CRACR2A: variants seen among roughly 807,000 people sequenced by gnomAD.
CRACR2A encodes calcium release activated channel regulator 2A.
A neutral mutation model predicts 90.5 loss-of-function variants in CRACR2A; 79 were observed. That is an observed-to-expected ratio of 0.87 (90% CI 0.73 to 1.05). The LOEUF (loss-of-function observed/expected upper bound fraction) is 1.05. Among genes scored for constraint, CRACR2A ranks in the 50% least tolerant of loss-of-function variants. The pLI is 0.00. For missense variants in CRACR2A, 823 were observed against 897.2 expected, an observed-to-expected ratio of 0.92 and a Z score of 1.06; for synonymous variants, 338 against 356.7, an observed-to-expected ratio of 0.95 and a Z score of 0.59.
intron 15 of CRACR2A, among the ~76,000 whole-genome samples, chr12:3,629,169 C>T (rs534049645): frequency 2.0e-5 from 3 of 152,248 alleles, no homozygotes; most frequent in South Asian, 2.1e-4. Context: ...CATACATACA[C>T]ATTCACACAC....
chr12:3,751,704 G>A (rs1364943814), intron 1 of CRACR2A, among the ~76,000 whole-genome samples: 1 of 151,936 alleles, frequency 6.6e-6, no homozygotes, highest in African/African-American at 2.4e-5. Flanking sequence ...ACTCCTTCCA[G>A]AAGTAACCTC....
intron 18 of CRACR2A, among the ~76,000 whole-genome samples, chr12:3,618,221 T>C (rs1242390827): frequency 6.6e-6 from 1 of 151,604 alleles, no homozygotes; most frequent in Non-Finnish European, 1.5e-5. Context: ...TGGGTCCAGG[T>C]ATATTTTGAA....
intron 14 of CRACR2A, among the ~76,000 whole-genome samples, chr12:3,635,927 T>C (rs1004146064): frequency 1.3e-5 from 2 of 152,242 alleles, no homozygotes; most frequent in Non-Finnish European, 2.9e-5. Context: ...ATTTGAGATA[T>C]ATAAAATTTT....
At chr12:3,628,443 AC>A (rs1409148303) in intron 15 of CRACR2A, among the ~76,000 whole-genome samples, 2 of 152,038 alleles carry the variant, frequency 1.3e-5, no homozygotes, top group African/African-American at 4.8e-5. Context: ...ATCACAGGCA[AC>A]TTTCACCCTT....
At chr12:3,631,262 G>A (rs1944371263) in intron 15 of CRACR2A, among the ~76,000 whole-genome samples, 1 of 152,134 alleles carries the variant, frequency 6.6e-6, no homozygotes, top group East Asian at 1.9e-4. Context: ...TTCCATAATT[G>A]GCCTCCTGGG....
At chr12:3,740,815 T>C (rs1946513398) in intron 1 of CRACR2A, among the ~76,000 whole-genome samples, 1 of 152,232 alleles carries the variant, frequency 6.6e-6, no homozygotes, top group Non-Finnish European at 1.5e-5. Context: ...CTCGAGCAAG[T>C]TGCTTAGCTA....
At chr12:3,736,617 G>A (rs530019205) in intron 1 of CRACR2A, among the ~76,000 whole-genome samples, 68 of 152,156 alleles carry the variant, frequency 4.5e-4, no homozygotes, top group African/African-American at 1.6e-3. Context: ...TGTGCAGAGG[G>A]AGCAGAAAAA....
chr12:3,638,203 T>C lies in CRACR2A; in HGVS notation c.1523A>G (p.Gln508Arg). Reference protein sequence around the residue: ...EEVSDQGVQGQIPEAPPLKLT... With the variant: ...EEVSDQGVQGRIPEAPPLKLT... The stretch of plus-strand genomic sequence containing the variant: ...TTTCAAGGGTGGGGCCTCCGGGATT[T>C]GTCCCTGTACCCCCTGGTCAGAGAC... Residue 508 changes from glutamine to arginine, a missense_variant, in exon 14 of 20, where the codon CAA (glutamine) becomes CGA (arginine). Coordinates refer to ENST00000440314, the MANE Select transcript of CRACR2A (RefSeq NM_001144958.2). 2 of 1,551,542 alleles carry C rather than the reference T, an allele frequency of 1.3e-6. No homozygotes were observed. The highest frequency in any genetic ancestry group is 1.7e-6 in the Non-Finnish European group (2 of 1,146,854).
chr12:3,737,614 A>T (rs957175560), intron 1 of CRACR2A, among the ~76,000 whole-genome samples: 2 of 152,184 alleles, frequency 1.3e-5, no homozygotes, highest in African/African-American at 4.8e-5. Flanking sequence ...GGGCAATGGC[A>T]GCAGAAGTAG....
intron 10 of CRACR2A, among the ~76,000 whole-genome samples, chr12:3,649,859 A>G (rs1343998950): frequency 1.5e-5 from 2 of 131,478 alleles, no homozygotes; most frequent in Non-Finnish European, 3.1e-5. Context: ...AAGGAAGGAG[A>G]AAAAGGAAGA....
intron 6 of CRACR2A, among the ~76,000 whole-genome samples, chr12:3,676,747 C>T (rs931063520): frequency 1.9e-5 from 2 of 107,914 alleles, no homozygotes; most frequent in Admixed American, 1.9e-4. Context: ...ACATCTATGG[C>T]AGGTATTACA....
chr12:3,659,710 G>A, intron 7 of CRACR2A, 56 bp from the exon 8 acceptor site: 2 of 1,400,512 alleles, frequency 1.4e-6, no homozygotes, highest in Non-Finnish European at 2.0e-6. Flanking sequence ...CACAGCGGTA[G>A]CTCCTGGAGC....
intron 2 of CRACR2A, among the ~76,000 whole-genome samples, chr12:3,725,085 A>T (rs1287695731): frequency 2.6e-5 from 4 of 151,930 alleles, no homozygotes; most frequent in African/African-American, 9.7e-5. Flanking sequence ...CCTGCCTCCC[A>T]TTTTCCCTCC....
intron 3 of CRACR2A, among the ~76,000 whole-genome samples, chr12:3,709,499 T>C (rs241993): frequency 0.55 from 82,937 of 152,030 alleles, 22,968 homozygotes; most frequent in African/African-American, 0.62. Context: ...AGTTTCTGGC[T>C]GGGCGCAGTG....
chr12:3,703,444 T>C (rs909836700), intron 3 of CRACR2A, among the ~76,000 whole-genome samples: 1 of 152,240 alleles, frequency 6.6e-6, no homozygotes, highest in Non-Finnish European at 1.5e-5. Flanking sequence ...CAATGTATCA[T>C]GGACCTAAAT....
At chr12:3,647,172 C>G (rs970307903) in intron 11 of CRACR2A, among the ~76,000 whole-genome samples, 3 of 149,682 alleles carry the variant, frequency 2.0e-5, no homozygotes, top group Non-Finnish European at 3.0e-5. Flanking sequence ...CACCCCTACC[C>G]TCCCCTGACA....
At chr12:3,656,785 A>C (rs565854252) in intron 8 of CRACR2A, among the ~76,000 whole-genome samples, 1 of 152,266 alleles carries the variant, frequency 6.6e-6, no homozygotes, top group African/African-American at 2.4e-5. Flanking sequence ...ATTGGGGGTG[A>C]CTGGGGGAGG....
intron 17 of CRACR2A, among the ~76,000 whole-genome samples, chr12:3,619,668 C>T (rs1015618652): frequency 1.3e-4 from 20 of 152,172 alleles, no homozygotes; most frequent in African/African-American, 4.1e-4. Context: ...GAACAGCAGG[C>T]CCCCCAAGGT....
rs368465693 is a variant in CRACR2A, at chr12:3,697,011, A to C, written c.-12T>G. 6.3e-6 allele frequency: 10 copies of C among 1,595,552 alleles called. No homozygotes were observed. The African/African-American group carries it at 1.2e-4, about 19-fold the overall frequency. ...TCAGGGGCAGCCATCGCGATTAGTC[A>C]GTTTCTTGAAGTCTTTTTCAGAACC... is the stretch of plus-strand genomic sequence containing the variant. On this transcript the variant is annotated 5_prime_UTR_variant, in exon 4 of 20. The change abolishes the stop of an existing upstream ORF in the 5' untranslated region. Transcript: ENST00000440314.
Sources: gnomAD v4.1 joint callset for allele counts (sites outside exome capture counted in the v4.1 genomes callset) on GRCh38, gnomAD v4.1.1 for gene constraint, MANE v1.5 for transcripts, NCBI Gene and HGNC (gene_info 2026-07-23, HGNC 2026-07-21) for gene names.